Variants in NFASC observed in about 807,000 individuals in gnomAD.
NFASC encodes the protein neurofascin, also known as neurofascin homolog.
In NFASC, 43 loss-of-function variants were observed where a neutral mutation model predicts 147.5. The observed-to-expected ratio is 0.29, with a 90% CI of 0.23 to 0.38. The LOEUF (loss-of-function observed/expected upper bound fraction) is 0.38. NFASC is among the 10% of genes least tolerant of loss of function. NFASC has a pLI of 1.00. For synonymous variants in NFASC, 622 were observed against 665.5 expected (o/e 0.93, Z 1.01); for missense variants, 1,320 against 1,689.0 (o/e 0.78, Z 3.83).
At chr1:204,880,546 A>G (rs2079983217) in intron 1 of NFASC, among the ~76,000 whole-genome samples, 1 of 151,994 alleles carries the variant, frequency 6.6e-6, no homozygotes, top group Non-Finnish European at 1.5e-5. Flanking sequence ...TAGTAGAGAC[A>G]GGGTTTCACC....
At chr1:204,831,167 A>G (rs569410792) in intron 1 of NFASC, among the ~76,000 whole-genome samples, 1 of 151,898 alleles carries the variant, frequency 6.6e-6, no homozygotes, top group African/African-American at 2.4e-5. Context: ...GAAGTGGGGG[A>G]TTCTAATAAC....
chr1:205,002,179 A>T (rs2096002551), intron 26 of NFASC, among the ~76,000 whole-genome samples: 1 of 152,184 alleles, frequency 6.6e-6, no homozygotes, highest in Non-Finnish European at 1.5e-5. Context: ...GAGCCAAGAG[A>T]CAGAGTCCCA....
chr1:204,932,057 G>A (rs900005501), intron 2 of NFASC, among the ~76,000 whole-genome samples: 2 of 152,028 alleles, frequency 1.3e-5, no homozygotes, highest in Non-Finnish European at 2.9e-5. Flanking sequence ...CAGAATAAGG[G>A]GATACTATAA....
Position 204,986,081 on chromosome 1 carries a change from A to G in NFASC, c.2471-1337A>G. 1.2e-5 allele frequency: 19 copies of G among 1,614,160 alleles called. No homozygotes were observed. The highest frequency in any genetic ancestry group is 1.6e-5 in the Non-Finnish European group (19 of 1,179,988). ...CAATGGGAGAGGTGATGGGCCTCGC[A>G]GTGAGACCAAGGAGTTCACCACCCC... On this transcript the variant is annotated intron_variant, in intron 21 of 29. Coordinates refer to ENST00000339876, the MANE Select transcript of NFASC (RefSeq NM_001005388.3). This position sits in a 1 kb window ranked among gnomAD's most constrained non-coding sequence, Gnocchi z 4.2.
rs1427759702 is a variant in NFASC, at chr1:204,981,998, C to T, written c.2448C>T (p.Val816=). The change falls in exon 21 of 30, where the codon GTC becomes GTT. Residue 816 remains valine, a synonymous_variant. Coordinates refer to ENST00000339876, the MANE Select transcript of NFASC (RefSeq NM_001005388.3). ...GGAAGGGCCCTGAGCCAGAGTCCGT[C>T]ATCGGTTACTCCGGAGAAGATTGTG... ...DFGKGPEPES[V]IGYSGEDLPS... is the part of the protein sequence containing the mutation. 1.3e-6 allele frequency: 2 copies of T among 1,588,934 alleles called. No homozygotes were observed. The highest frequency in any genetic ancestry group is 1.7e-6 in the Non-Finnish European group (2 of 1,167,834).
chr1:204,842,823 T>A (rs1675754742), intron 1 of NFASC, among the ~76,000 whole-genome samples: 1 of 152,244 alleles, frequency 6.6e-6, no homozygotes, highest in African/African-American at 2.4e-5. Flanking sequence ...TCCTGCCTCC[T>A]TTCCTCCTCC....
intron 1 of NFASC, among the ~76,000 whole-genome samples, chr1:204,916,792 C>T (rs571500597): frequency 2.6e-5 from 4 of 151,972 alleles, no homozygotes; most frequent in East Asian, 1.9e-4. Flanking sequence ...AGGCTGGTCT[C>T]GAACCGCTGG....
chr1:205,009,937 G>A (rs1036560566), intron 28 of NFASC: 1 of 540,732 alleles, frequency 1.8e-6, no homozygotes, highest in African/African-American at 1.9e-5. Flanking sequence ...AGGAACCCTG[G>A]CTCCTATTAA....
At chr1:205,011,209 C>CA (rs1203740696) in intron 28 of NFASC, among the ~76,000 whole-genome samples, 1 of 151,338 alleles carries the variant, frequency 6.6e-6, no homozygotes, top group African/African-American at 2.4e-5. Flanking sequence ...CCCCCAGGAC[C>CA]CCCCCCAAAA....
rs11307141 is a variant in NFASC, at chr1:204,970,074, CAAAAAAAAAAAA to C, written c.1004-528_1004-517del. 1.5e-4 allele frequency among the ~76,000 whole-genome samples: 10 copies of C among 65,460 alleles called. No individual in the cohort carries two copies. The East Asian group carries it at 2.2e-3, about 14-fold the overall frequency. The allele number at this position is 65,460 out of a possible 152,430, so 42.9% of individuals were successfully genotyped here. A position where few individuals can be genotyped will look rare whatever the true frequency, so the allele number is the denominator to read the frequency against. On this transcript the variant is annotated intron_variant, in intron 10 of 29. Transcript: ENST00000339876. ...CTGGCGACAGAGCAAGACTCCATCT[CAAAAAAAAAAAA>C]AAAAAAAAAAAAAGAACTACTCTAA... is the stretch of plus-strand genomic sequence containing the variant.
intron 2 of NFASC, among the ~76,000 whole-genome samples, chr1:204,926,694 G>A (rs974924764): frequency 4.0e-5 from 6 of 151,262 alleles, no homozygotes; most frequent in African/African-American, 9.7e-5. Flanking sequence ...GATTACAGGC[G>A]TGAGCCACAG....
rs142644261 is a variant in NFASC at position 204,971,575 on chromosome 1, A to G, written c.1135+828A>G. On this transcript the variant is annotated intron_variant, in intron 11 of 29. Coordinates refer to ENST00000339876, the MANE Select transcript of NFASC (RefSeq NM_001005388.3). ...TAGAGGAGAGGGTAAGAATTTACCTATTTAGACATATATTGTATGCCACAT... is the reference window on the plus strand; with the variant it reads ...TAGAGGAGAGGGTAAGAATTTACCTGTTTAGACATATATTGTATGCCACAT... Among the ~76,000 whole-genome samples the G allele has an allele frequency of 3.2e-3, 486 of 152,286 alleles. 1 individual carries two copies. The highest frequency in any genetic ancestry group is 0.011 in the African/African-American group (460 of 41,558).
At chr1:204,880,468 G>T (rs528728819) in intron 1 of NFASC, among the ~76,000 whole-genome samples, 102 of 152,224 alleles carry the variant, frequency 6.7e-4, no homozygotes, top group Non-Finnish European at 1.2e-3. Context: ...CCATTCTCCT[G>T]CCTCAGCCTC....
At chr1:204,846,470 G>A (rs1677066796) in intron 1 of NFASC, among the ~76,000 whole-genome samples, 1 of 152,048 alleles carries the variant, frequency 6.6e-6, no homozygotes, top group Admixed American at 6.5e-5. Flanking sequence ...ATGAATTAGG[G>A]TGGGGCCATG....
intron 27 of NFASC, among the ~76,000 whole-genome samples, chr1:205,004,836 G>T (rs1443077599): frequency 2.0e-5 from 3 of 152,202 alleles, no homozygotes; most frequent in Admixed American, 6.5e-5. Flanking sequence ...GGAAACCACT[G>T]GGAAGGCTGA....
chr1:204,909,701 TTTTATG>T (rs2086881096), intron 1 of NFASC, among the ~76,000 whole-genome samples: 2 of 152,336 alleles, frequency 1.3e-5, no homozygotes, highest in Admixed American at 1.3e-4. Context: ...TAGTTCTACA[TTTTATG>T]TTTAAGTTGG....
intron 29 of NFASC, among the ~76,000 whole-genome samples, chr1:205,014,754 T>G (rs2096316822): frequency 2.0e-5 from 3 of 152,136 alleles, no homozygotes; most frequent in Admixed American, 6.5e-5. Context: ...GTGGCTGCAC[T>G]TAGCTTAGCT....
chr1:204,951,644 A>G (rs1026802886), intron 4 of NFASC, among the ~76,000 whole-genome samples: 4 of 149,748 alleles, frequency 2.7e-5, no homozygotes, highest in Admixed American at 6.7e-5. Flanking sequence ...AATTTTTTGT[A>G]TTTTTTAGTA....
intron 1 of NFASC, among the ~76,000 whole-genome samples, chr1:204,859,046 C>T (rs955794903): frequency 6.6e-6 from 1 of 151,218 alleles, no homozygotes; most frequent in Non-Finnish European, 1.5e-5. Flanking sequence ...GACGCAGTCT[C>T]GGCTCACTGC....
Sources: gnomAD v4.1 joint callset for allele counts (sites outside exome capture counted in the v4.1 genomes callset) on GRCh38, gnomAD v4.1.1 for gene constraint, Gnocchi (gnomAD v3.1) non-coding constraint, MANE v1.5 for transcripts, NCBI Gene and HGNC (gene_info 2026-07-23, HGNC 2026-07-21) for gene names.